Variants in SEPTIN4 observed in about 807,000 individuals in gnomAD.
SEPTIN4 encodes septin 4.
A neutral mutation model predicts 107.1 loss-of-function variants in SEPTIN4; 52 were observed. The ratio of observed to expected loss-of-function variants is 0.49; its 90% confidence interval spans 0.39 to 0.61. SEPTIN4 has a LOEUF of 0.61. SEPTIN4 is among the 20% of genes least tolerant of loss of function. The pLI, the probability that SEPTIN4 is intolerant of heterozygous loss-of-function variation, is 0.00. For synonymous variants in SEPTIN4, 417 were observed against 467.0 expected (o/e 0.89, Z 1.38); for missense variants, 1,048 against 1,243.5 (o/e 0.84, Z 2.36).
rs751149197 is a variant in SEPTIN4, at chr17:58,521,110, G to A, written c.2719C>T (p.Arg907Cys). 3.7e-5 allele frequency: 59 copies of A among 1,614,072 alleles called. No individual in the cohort carries two copies. Among genetic ancestry groups the A allele is most frequent in the Non-Finnish European group, 4.7e-5 (55 of 1,180,048 alleles). ...DFVKLRTMLVRTHMQDLKDVT... is the reference protein window; with the variant it reads ...DFVKLRTMLVCTHMQDLKDVT... Reference sequence around the variant, plus strand: ...TCCTTCAGGTCCTGCATGTGGGTACGTACCAGCATTGTCCTCAGCTTCACA... The same window carrying A: ...TCCTTCAGGTCCTGCATGTGGGTACATACCAGCATTGTCCTCAGCTTCACA... Residue 907 changes from arginine to cysteine, a missense_variant, in exon 12 of 14, where the codon CGT becomes TGT. Coordinates refer to ENST00000672673, the MANE Select transcript of SEPTIN4 (RefSeq NM_001368771.2). This position sits in a 1 kb window ranked among gnomAD's most constrained non-coding sequence, Gnocchi z 6.4.
Position 58,526,318 on chromosome 17 carries a change from T to C in SEPTIN4, c.1912-5A>G, listed in dbSNP as rs1440574577. The C allele has an allele frequency of 3.2e-6, 5 of 1,565,370 alleles. No individual in the cohort carries two copies. Among genetic ancestry groups the C allele is most frequent in the Middle Eastern group, 1.7e-4 (1 of 5,872 alleles). ...GCCCACATACTCCTTGTCATCCTAG[T>C]AGACAGGAAGGCAGAATGCATCACG... On this transcript the variant is annotated splice_region_variant and splice_polypyrimidine_tract_variant and intron_variant, in intron 4 of 13. Transcript: ENST00000672673.
Position 58,542,719 on chromosome 17 carries a change from C to T in SEPTIN4, c.1468G>A (p.Glu490Lys). ...ASLSPPSPPK[E>K]FPSWAPLSEV... ...CTCAGTGGTGCCCAACTTGGAAACT[C>T]CTTTGGTGGTGATGGTGGTGATAGG... Residue 490 changes from glutamate to lysine, a missense_variant, in exon 1 of 14, where the codon GAG (glutamate) becomes AAG (lysine). Transcript: ENST00000672673. 6.2e-7 allele frequency: 1 copy of T among 1,614,132 alleles called. No homozygotes were observed. Among genetic ancestry groups the T allele is most frequent in the Non-Finnish European group, 8.5e-7 (1 of 1,180,018 alleles).
chr17:58,540,269 G>A (rs1255659222), intron 3 of SEPTIN4, among the ~76,000 whole-genome samples: 1 of 152,132 alleles, frequency 6.6e-6, no homozygotes, highest in Non-Finnish European at 1.5e-5. Context: ...ACCCCTTTCT[G>A]GAATGCCCCA....
At chr17:58,537,477 T>A (rs775816803) in intron 3 of SEPTIN4, among the ~76,000 whole-genome samples, 1 of 152,152 alleles carries the variant, frequency 6.6e-6, no homozygotes, top group Admixed American at 6.5e-5. Flanking sequence ...CAGGGTGCCA[T>A]CTGACAGGGT....
In SEPTIN4 at chr17:58,523,875, A is replaced by C. The variant is rs893705586; in HGVS notation, c.2216+1203T>G. 4.6e-5 allele frequency among the ~76,000 whole-genome samples: 7 copies of C among 152,128 alleles called. No individual in the cohort carries two copies. The East Asian group carries it at 1.3e-3, about 29-fold the overall frequency. On this transcript the variant is annotated intron_variant, in intron 7 of 13. Transcript: ENST00000672673. ...CATGCATCATGTTGGGTGATGTTCA[A>C]ATCAATTGGAGAGGTGGTAAGGGCT... is the stretch of plus-strand genomic sequence containing the variant.
At chr17:58,528,526 G>A (rs1314449281) in intron 3 of SEPTIN4, 1 of 154,084 alleles carries the variant, frequency 6.5e-6, no homozygotes, top group Non-Finnish European at 1.4e-5. Context: ...GTCCAGTGGT[G>A]ACCATACATC....
At position 58,520,464 on chromosome 17, in the gene SEPTIN4, G is replaced by GACC; in HGVS notation, c.2952_2953insGGT (p.Met984_Leu985insGly). ...TTCATCTGTTTTTGTATTTTGTGTA[G>GACC]CATCTCCTGCATCCGCCGCAGCTGG... On this transcript the variant is annotated inframe_insertion, in exon 14 of 14. Coordinates refer to ENST00000672673, the MANE Select transcript of SEPTIN4 (RefSeq NM_001368771.2). 6.2e-7 allele frequency: 1 copy of GACC among 1,613,588 alleles called. No individual in the cohort carries two copies. The highest frequency in any genetic ancestry group is 1.1e-5 in the South Asian group (1 of 91,056).
chr17:58,521,726 C>A lies in SEPTIN4; in HGVS notation c.2469+10G>T, dbSNP rs1301301058. 3 of 1,614,152 alleles carry A rather than the reference C, an allele frequency of 1.9e-6. No individual in the cohort carries two copies. In the Admixed American group the frequency reaches 5.0e-5, roughly 27 times the overall value. On this transcript the variant is annotated intron_variant, in intron 9 of 13. Transcript: ENST00000672673. The surrounding 1 kb of genome is among the most constrained non-coding windows in gnomAD (Gnocchi z 6.4). ...CCACCTGATCCCCTCCCACCACCAG[C>A]TTCCCTCACTTTGCGTTTCTTGTGG...
At position 58,521,267 on chromosome 17, in the gene SEPTIN4, C is replaced by G. The variant is rs1275804085; in HGVS notation, c.2655G>C (p.Trp885Cys). 6.2e-7 allele frequency: 1 copy of G among 1,614,196 alleles called. No homozygotes were observed. The highest frequency in any genetic ancestry group is 2.2e-5 in the East Asian group (1 of 44,880). Reference sequence around the variant, plus strand: ...TCAGTGCTTTACCTTCCACGATGCCCCAGGGGTAGAGTCGACCCCGAACTC... The same window carrying G: ...TCAGTGCTTTACCTTCCACGATGCCGCAGGGGTAGAGTCGACCCCGAACTC... ...GRRVRGRLYPWGIVEVENPGH... is the reference protein window; with the variant it reads ...GRRVRGRLYPCGIVEVENPGH... The change falls in exon 11 of 14, where the codon TGG becomes TGC. Residue 885 changes from tryptophan (W) to cysteine (C), a missense_variant. Around this residue, in one of 2 missense-constraint regions of SEPTIN4, gnomAD observed 261 missense variants for 371.7 expected, o/e 0.70. Transcript: ENST00000672673. This position sits in a 1 kb window ranked among gnomAD's most constrained non-coding sequence, Gnocchi z 6.4.
Position 58,540,691 on chromosome 17 carries a change from A to G in SEPTIN4, c.1607-18T>C. 1 of 1,344,252 alleles carries G rather than the reference A, an allele frequency of 7.4e-7. No individual in the cohort carries two copies. Among genetic ancestry groups the G allele is most frequent in the Non-Finnish European group, 9.5e-7 (1 of 1,051,784 alleles). 83.3% of individuals were successfully genotyped at this position (1,344,252 alleles called of 1,614,324 possible). A position where few individuals can be genotyped will look rare whatever the true frequency, so the allele number is the denominator to read the frequency against. On this transcript the variant is annotated intron_variant, in intron 2 of 13. Coordinates refer to ENST00000672673, the MANE Select transcript of SEPTIN4 (RefSeq NM_001368771.2). ...CTCCTCATCTGTCATAACAGAGTAG[A>G]AGCCAGGCATTCCCAGGGGGCAGCA... is the stretch of plus-strand genomic sequence containing the variant.
intron 3 of SEPTIN4, chr17:58,527,260 A>T (rs1598287301): frequency 1.6e-6 from 1 of 634,860 alleles, no homozygotes; most frequent in East Asian, 3.1e-5. Flanking sequence ...GGAACTAAGG[A>T]ACTCCAGTTC....
At position 58,521,719 on chromosome 17, in the gene SEPTIN4, C is replaced by T; in HGVS notation, c.2469+17G>A. ...TAGAAGCCCACCTGATCCCCTCCCA[C>T]CACCAGCTTCCCTCACTTTGCGTTT... On this transcript the variant is annotated intron_variant, in intron 9 of 13. Coordinates refer to ENST00000672673, the MANE Select transcript of SEPTIN4 (RefSeq NM_001368771.2). This position sits in a 1 kb window ranked among gnomAD's most constrained non-coding sequence, Gnocchi z 6.4. 1.9e-6 allele frequency: 3 copies of T among 1,614,260 alleles called. No homozygotes were observed. The highest frequency in any genetic ancestry group is 2.5e-6 in the Non-Finnish European group (3 of 1,180,050).
At position 58,538,097 on chromosome 17, in the gene SEPTIN4, G is replaced by A. The variant is rs2043778621; in HGVS notation, c.1614+2569C>T. 6.6e-6 allele frequency among the ~76,000 whole-genome samples: 1 copy of A among 152,156 alleles called. No individual in the cohort carries two copies. The highest frequency in any genetic ancestry group is 2.4e-5 in the African/African-American group (1 of 41,434). ...GCAACAGAACACTTTAAAAAAAAGCGAGGGAGGGTTCCTTTCACATAGCCC... is the reference window on the plus strand; with the variant it reads ...GCAACAGAACACTTTAAAAAAAAGCAAGGGAGGGTTCCTTTCACATAGCCC... On this transcript the variant is annotated intron_variant, in intron 3 of 13. Coordinates refer to ENST00000672673, the MANE Select transcript of SEPTIN4 (RefSeq NM_001368771.2). The surrounding 1 kb of genome is among the most constrained non-coding windows in gnomAD (Gnocchi z 4.7).
chr17:58,539,824 T>C (rs1340791886), intron 3 of SEPTIN4, among the ~76,000 whole-genome samples: 1 of 152,082 alleles, frequency 6.6e-6, no homozygotes, highest in African/African-American at 2.4e-5. Context: ...TCTCTGAAAG[T>C]AGCCACTCCC....
At chr17:58,525,628 C>T in intron 6 of SEPTIN4, 67 bp downstream of exon 6, 1 of 1,415,650 alleles carries the variant, frequency 7.1e-7, no homozygotes, top group Non-Finnish European at 1.0e-6. Context: ...GAGCCCCATC[C>T]CCCAGACTCT....
intron 7 of SEPTIN4, among the ~76,000 whole-genome samples, chr17:58,523,942 T>C (rs2042554205): frequency 6.6e-6 from 1 of 152,116 alleles, no homozygotes; most frequent in South Asian, 2.1e-4. Context: ...AATGAATATA[T>C]ATGGAGGTAC....
chr17:58,522,787 T>C (rs2042415656), intron 7 of SEPTIN4, among the ~76,000 whole-genome samples: 1 of 152,030 alleles, frequency 6.6e-6, no homozygotes, highest in Non-Finnish European at 1.5e-5. Flanking sequence ...TGCTCATGTG[T>C]TTCTACCCTT....
At chr17:58,524,863 G>T in intron 7 of SEPTIN4, 1 of 583,402 alleles carries the variant, frequency 1.7e-6, no homozygotes. Context: ...AGAATCATAG[G>T]GCAGAATTGG....
intron 3 of SEPTIN4, among the ~76,000 whole-genome samples, chr17:58,533,907 A>G (rs1314702634): frequency 6.6e-6 from 1 of 152,174 alleles, no homozygotes; most frequent in Non-Finnish European, 1.5e-5. Context: ...ATCAGGGAAG[A>G]CAGGCCCCAG....
Sources: allele counts gnomAD v4.1 joint callset (sites outside exome capture counted in the v4.1 genomes callset), GRCh38; gene constraint gnomAD v4.1.1; regional missense constraint gnomAD v4.1.1; non-coding constraint Gnocchi (gnomAD v3.1); transcripts MANE v1.5; gene names NCBI Gene and HGNC (gene_info 2026-07-23, HGNC 2026-07-21).